Variants in CALN1 observed in about 807,000 individuals in gnomAD.
The protein encoded by CALN1 is calcium-binding protein 8.
CALN1 carries 17 observed loss-of-function variants against 30.6 expected under a neutral mutation model. The observed-to-expected ratio is 0.56, with a 90% CI of 0.38 to 0.83. The LOEUF (loss-of-function observed/expected upper bound fraction) is 0.83, where lower values mean the gene tolerates loss of function less well. Among genes scored for constraint, CALN1 ranks in the 40% least tolerant of loss-of-function variants. The pLI is 0.00. For missense variants in CALN1, 291 were observed against 354.9 expected (o/e 0.82, Z 1.45); for synonymous variants, 156 against 131.4 (o/e 1.19, Z -1.28).
rs199959655 is a variant in CALN1 at position 71,828,759 on chromosome 7, GTTTT to G, written c.502-18271_502-18268del. Reference sequence around the variant, plus strand: ...GTGTGTGTAATTTGGGGTTTTGTGTGTTTTTTTGAGACGGAATCTCGCTCTGTTG... The same window carrying G: ...GTGTGTGTAATTTGGGGTTTTGTGTGTTTGAGACGGAATCTCGCTCTGTTG... On this transcript the variant is annotated intron_variant, in intron 5 of 6. Coordinates refer to ENST00000395275, the MANE Select transcript of CALN1 (RefSeq NM_031468.4). Among the ~76,000 whole-genome samples the G allele has an allele frequency of 7.6e-4, 115 of 150,452 alleles. No homozygotes were observed. The East Asian group carries it at 0.021, about 27-fold the overall frequency.
chr7:72,245,153 T>A (rs1180877783), intron 3 of CALN1, among the ~76,000 whole-genome samples: 1 of 152,142 alleles, frequency 6.6e-6, no homozygotes, highest in Non-Finnish European at 1.5e-5. Flanking sequence ...TATGTAGGGT[T>A]TTCCCTCCTC....
chr7:72,389,521 C>T (rs772618679), intron 2 of CALN1, among the ~76,000 whole-genome samples: 16 of 152,192 alleles, frequency 1.1e-4, no homozygotes, highest in Non-Finnish European at 1.9e-4. Flanking sequence ...GCTTTCACTG[C>T]CCGTGAAGCA....
intron 2 of CALN1, among the ~76,000 whole-genome samples, chr7:72,381,075 C>A (rs1263521558): frequency 2.0e-5 from 3 of 152,108 alleles, no homozygotes; most frequent in Admixed American, 6.5e-5. Context: ...AAAAATAAAC[C>A]AAAGTTTTGA....
intron 5 of CALN1, among the ~76,000 whole-genome samples, chr7:71,926,077 T>C (rs969036085): frequency 1.3e-5 from 2 of 152,168 alleles, no homozygotes; most frequent in African/African-American, 4.8e-5. Flanking sequence ...CTCTGTGGCC[T>C]TGAAGCCTCA....
chr7:72,054,402 C>G, intron 4 of CALN1, among the ~76,000 whole-genome samples: 1 of 100,184 alleles, frequency 1.0e-5, no homozygotes, highest in South Asian at 5.2e-4. Flanking sequence ...CATATATGTA[C>G]ATATATATAT....
intron 5 of CALN1, among the ~76,000 whole-genome samples, chr7:71,982,471 G>A (rs1447699202): frequency 1.3e-5 from 2 of 152,152 alleles, no homozygotes; most frequent in African/African-American, 2.4e-5. Context: ...GTAGGTGCCT[G>A]TAATCCCAGC....
At chr7:72,396,721 G>A (rs1249078566) in intron 2 of CALN1, among the ~76,000 whole-genome samples, 2 of 152,062 alleles carry the variant, frequency 1.3e-5, no homozygotes, top group African/African-American at 2.4e-5. Context: ...TGGGGTCTTT[G>A]TTTTAATTGT....
Position 71,782,316 on chromosome 7 carries a change from C to T in CALN1, c.*5459G>A, listed in dbSNP as rs1004993314. 1 of 152,132 alleles carries T rather than the reference C, an allele frequency of 6.6e-6. No homozygotes were observed. Among genetic ancestry groups the T allele is most frequent in the Non-Finnish European group, 1.5e-5 (1 of 68,052 alleles). The allele number at this position is 152,132 out of a possible 1,614,324, so 9.4% of individuals were successfully genotyped here. A position where few individuals can be genotyped will look rare whatever the true frequency, so the allele number is the denominator to read the frequency against. On this transcript the variant is annotated 3_prime_UTR_variant, in exon 7 of 7. Coordinates refer to ENST00000395275, the MANE Select transcript of CALN1 (RefSeq NM_031468.4). ...CGGGTTGTTAAGAAAAGGAGACTGG[C>T]ACCTCTTCTCCTCTCTCTTGCTCCT... is the stretch of plus-strand genomic sequence containing the variant.
At chr7:71,940,796 AGAGACAG>A (rs1252554401) in intron 5 of CALN1, among the ~76,000 whole-genome samples, 1 of 152,052 alleles carries the variant, frequency 6.6e-6, no homozygotes, top group Non-Finnish European at 1.5e-5. Context: ...TAATTTTGGT[AGAGACAG>A]GATTTTGCCA....
At position 71,885,734 on chromosome 7, in the gene CALN1, A is replaced by G. The variant is rs958406286; in HGVS notation, c.502-75242T>C. Reference sequence around the variant, plus strand: ...TAAACTACAAACCAAACAAATAAACAAGAGTGAGACGCGCTGACCACGAGC... The same window carrying G: ...TAAACTACAAACCAAACAAATAAACGAGAGTGAGACGCGCTGACCACGAGC... On this transcript the variant is annotated intron_variant, in intron 5 of 6. Coordinates refer to ENST00000395275, the MANE Select transcript of CALN1 (RefSeq NM_031468.4). Among the ~76,000 whole-genome samples, 3 of 152,234 alleles carry G rather than the reference A, an allele frequency of 2.0e-5. No individual in the cohort carries two copies. The East Asian group carries it at 5.8e-4, about 29-fold the overall frequency.
At chr7:71,965,597 T>C (rs1183863893) in intron 5 of CALN1, among the ~76,000 whole-genome samples, 6 of 151,406 alleles carry the variant, frequency 4.0e-5, no homozygotes, top group Admixed American at 1.3e-4. Flanking sequence ...CAAACAAACA[T>C]TAAATGCACT....
intron 6 of CALN1, among the ~76,000 whole-genome samples, chr7:71,798,307 T>TTTTA (rs55949827): frequency 0.012 from 1,816 of 150,402 alleles, 19 homozygotes; most frequent in Non-Finnish European, 0.017. Flanking sequence ...CCAAACTATA[T>TTTTA]TTTATTTATT....
At chr7:72,290,893 T>C (rs1798433093) in intron 2 of CALN1, among the ~76,000 whole-genome samples, 1 of 151,390 alleles carries the variant, frequency 6.6e-6, no homozygotes, top group African/African-American at 2.4e-5. Flanking sequence ...AATCTTTCAT[T>C]ATGATTCCTA....
the CALN1 span, among the ~76,000 whole-genome samples, chr7:72,498,765 TTTC>T: frequency 3.9e-5 from 6 of 152,132 alleles, no homozygotes; most frequent in Non-Finnish European, 1.5e-5. Context: ...ATTCATGAGT[TTTC>T]TTTTTATCAC....
At chr7:72,300,188 A>C (rs1585408271) in intron 2 of CALN1, among the ~76,000 whole-genome samples, 2 of 152,118 alleles carry the variant, frequency 1.3e-5, no homozygotes, top group South Asian at 4.1e-4. Context: ...CCCTTTTTCA[A>C]GTTGTTTTTA....
intron 4 of CALN1, among the ~76,000 whole-genome samples, chr7:72,037,162 T>A (rs1256033260): frequency 6.6e-6 from 1 of 152,088 alleles, no homozygotes; most frequent in Admixed American, 6.5e-5. Context: ...CATAATTTTT[T>A]TTTTTTGAGA....
At chr7:72,441,113 C>G (rs1808330237) in intron 1 of CALN1, among the ~76,000 whole-genome samples, 1 of 152,042 alleles carries the variant, frequency 6.6e-6, no homozygotes, top group Non-Finnish European at 1.5e-5. Context: ...GTTCTTTACT[C>G]CTGGTATGCA....
At chr7:72,347,691 T>C (rs981265248) in intron 2 of CALN1, among the ~76,000 whole-genome samples, 17 of 152,188 alleles carry the variant, frequency 1.1e-4, no homozygotes, top group African/African-American at 3.9e-4. Flanking sequence ...CTTACAATCA[T>C]TGGTATCATC....
intron 2 of CALN1, chr7:72,336,871 G>T (rs1251003350): frequency 1.0e-6 from 1 of 984,868 alleles, no homozygotes; most frequent in African/African-American, 1.8e-5. Context: ...TCCCCGTGCC[G>T]GCATCCTCGC....
Sources: allele counts gnomAD v4.1 joint callset (sites outside exome capture counted in the v4.1 genomes callset), GRCh38; gene constraint gnomAD v4.1.1; transcripts MANE v1.5; gene names NCBI Gene and HGNC (gene_info 2026-07-23, HGNC 2026-07-21).